Variants in CLASP2 observed in about 807,000 individuals in gnomAD.
CLASP2 encodes CLIP-associating protein 2.
A neutral mutation model predicts 194.4 loss-of-function variants in CLASP2; 47 were observed. That is an observed-to-expected ratio of 0.24 (90% confidence interval 0.19 to 0.31). CLASP2 has a LOEUF of 0.31. Among genes scored for constraint, CLASP2 ranks in the 10% least tolerant of loss-of-function variants. The pLI is 1.00. For missense variants in CLASP2, 1,445 were observed against 1,823.6 expected, an observed-to-expected ratio of 0.79 and a Z score of 3.78; for synonymous variants, 619 against 633.5, an observed-to-expected ratio of 0.98 and a Z score of 0.34.
chr3:33,574,404 T>C lies in CLASP2; in HGVS notation c.2455-1050A>G, dbSNP rs369770809. The C allele has an allele frequency of 3.3e-6, 3 of 900,978 alleles. No individual in the cohort carries two copies. The African/African-American group carries it at 5.2e-5, about 16-fold the overall frequency. 55.8% of individuals were successfully genotyped at this position (900,978 alleles called of 1,614,324 possible). A position where few individuals can be genotyped will look rare whatever the true frequency, so the allele number is the denominator to read the frequency against. On this transcript the variant is annotated intron_variant, in intron 24 of 38. Transcript: ENST00000682230. ...TTTGATTTTTAATAGAAGACCATCA[T>C]TTGTTAAATTGATGAAAGAAAAAAA...
intron 36 of CLASP2, among the ~76,000 whole-genome samples, chr3:33,511,038 T>C (rs2049601711): frequency 6.7e-6 from 1 of 149,796 alleles, no homozygotes; most frequent in Admixed American, 6.7e-5. Flanking sequence ...GTATTTTTTT[T>C]TTTTTTTTTT....
intron 12 of CLASP2, among the ~76,000 whole-genome samples, chr3:33,616,412 T>C (rs1278175828): frequency 3.9e-5 from 6 of 152,176 alleles, no homozygotes; most frequent in Non-Finnish European, 5.9e-5. Flanking sequence ...TTTAAATGAA[T>C]GCCAAAATCT....
In CLASP2 at chr3:33,551,010, C is replaced by T. The variant is rs113859313; in HGVS notation, c.3153+242G>A. Among the ~76,000 whole-genome samples the T allele has an allele frequency of 8.7e-3, 1,327 of 152,180 alleles. 13 individuals carry two copies. The highest frequency in any genetic ancestry group is 0.029 in the African/African-American group (1,205 of 41,552). On this transcript the variant is annotated intron_variant, in intron 30 of 38. Transcript: ENST00000682230. ...GCAAGGGGAATGATTTGAAATATTCCGAATGGTGATAAAATTAGAGGGAGG... is the reference window on the plus strand; with the variant it reads ...GCAAGGGGAATGATTTGAAATATTCTGAATGGTGATAAAATTAGAGGGAGG...
intron 8 of CLASP2, chr3:33,644,530 T>C (rs2081951692): frequency 2.0e-6 from 1 of 498,170 alleles, no homozygotes; most frequent in Non-Finnish European, 3.5e-6. Flanking sequence ...GAAAAATAAA[T>C]ACCCTCAAGA....
intron 6 of CLASP2, among the ~76,000 whole-genome samples, chr3:33,677,493 G>T (rs2088942309): frequency 6.9e-6 from 1 of 145,416 alleles, no homozygotes; most frequent in Non-Finnish European, 1.5e-5. Flanking sequence ...TCATAGATGG[G>T]AATTGAACGA....
chr3:33,665,482 G>C (rs1357278565), intron 6 of CLASP2, among the ~76,000 whole-genome samples: 1 of 152,110 alleles, frequency 6.6e-6, no homozygotes, highest in Non-Finnish European at 1.5e-5. Context: ...TGATTGCCTC[G>C]CAGCATTAAC....
rs2053096095 is a variant in CLASP2 at position 33,521,551 on chromosome 3, T to C, written c.3788-4377A>G. ...CTACATTCAGAGAAATGCTACAAAA[T>C]AACTTCAAAAGTGTCATGGTCATGA... is the stretch of plus-strand genomic sequence containing the variant. On this transcript the variant is annotated intron_variant, in intron 34 of 38. Coordinates refer to ENST00000682230, the MANE Select transcript of CLASP2 (RefSeq NM_001365631.1). Among the ~76,000 whole-genome samples the C allele has an allele frequency of 2.6e-5, 4 of 152,126 alleles. No individual in the cohort carries two copies. The South Asian group carries it at 6.2e-4, about 24-fold the overall frequency.
intron 34 of CLASP2, among the ~76,000 whole-genome samples, chr3:33,527,660 G>C (rs562102949): frequency 6.6e-6 from 1 of 152,184 alleles, no homozygotes; most frequent in South Asian, 2.1e-4. Flanking sequence ...GCAGAGTCTG[G>C]GTACTGTGGC....
chr3:33,687,167 A>G (rs1156550256), intron 4 of CLASP2, 32 bp from the exon 5 acceptor site: 1 of 1,425,598 alleles, frequency 7.0e-7, no homozygotes, highest in African/African-American at 1.4e-5. Context: ...AATAAAGAAA[A>G]TTTGTTTTTA....
chr3:33,649,349 G>C (rs2082798313), intron 7 of CLASP2, among the ~76,000 whole-genome samples: 1 of 152,134 alleles, frequency 6.6e-6, no homozygotes, highest in Non-Finnish European at 1.5e-5. Flanking sequence ...TCCTGCTACT[G>C]AAATATATGA....
chr3:33,646,376 C>A (rs1316279534), intron 7 of CLASP2, among the ~76,000 whole-genome samples: 1 of 151,958 alleles, frequency 6.6e-6, no homozygotes, highest in South Asian at 2.1e-4. Context: ...TTATCTTCTA[C>A]TCTTAAAAAA....
chr3:33,556,128 T>A (rs559792369), intron 29 of CLASP2, among the ~76,000 whole-genome samples: 232 of 152,306 alleles, frequency 1.5e-3, no homozygotes, highest in Non-Finnish European at 2.8e-3. Context: ...TATTACTAAT[T>A]CAAATAAAAT....
chr3:33,587,094 G>A (rs1434288181), intron 21 of CLASP2, among the ~76,000 whole-genome samples: 1 of 151,968 alleles, frequency 6.6e-6, no homozygotes, highest in East Asian at 1.9e-4. Context: ...GACTAGACAT[G>A]GTCCATGGGC....
intron 6 of CLASP2, among the ~76,000 whole-genome samples, chr3:33,671,981 T>A (rs886402212): frequency 1.3e-5 from 2 of 152,224 alleles, no homozygotes; most frequent in Admixed American, 6.5e-5. Context: ...CAAGGAGGCC[T>A]GCCTGCCTCT....
At chr3:33,582,620 T>C (rs1406398445) in intron 22 of CLASP2, among the ~76,000 whole-genome samples, 1 of 152,164 alleles carries the variant, frequency 6.6e-6, no homozygotes, top group Non-Finnish European at 1.5e-5. Context: ...GATCATTCAC[T>C]GCACTCCAGA....
chr3:33,708,490 GTATATATATA>G (rs149383675), intron 1 of CLASP2, among the ~76,000 whole-genome samples: 1 of 128,272 alleles, frequency 7.8e-6, no homozygotes, highest in Non-Finnish European at 1.6e-5. Context: ...GTGTGTGTAT[GTATATATATA>G]TATATGTATA....
intron 34 of CLASP2, among the ~76,000 whole-genome samples, chr3:33,520,272 T>C (rs751933992): frequency 5.9e-5 from 9 of 152,304 alleles, no homozygotes; most frequent in Non-Finnish European, 8.8e-5. Flanking sequence ...TCCCAAAGTG[T>C]TGGGATTACA....
chr3:33,709,775 T>C (rs567749278), intron 1 of CLASP2, among the ~76,000 whole-genome samples: 12 of 152,248 alleles, frequency 7.9e-5, no homozygotes, highest in Non-Finnish European at 1.6e-4. Flanking sequence ...AAGTGTGTCA[T>C]AATTTGTTAG....
chr3:33,557,512 T>C (rs954207684), intron 29 of CLASP2, among the ~76,000 whole-genome samples: 1 of 152,062 alleles, frequency 6.6e-6, no homozygotes, highest in African/African-American at 2.4e-5. Flanking sequence ...GCTAGGACTA[T>C]AGGCATGAAC....
Sources: allele counts gnomAD v4.1 joint callset (sites outside exome capture counted in the v4.1 genomes callset), GRCh38; gene constraint gnomAD v4.1.1; transcripts MANE v1.5; gene names NCBI Gene and HGNC (gene_info 2026-07-23, HGNC 2026-07-21).